Variants in MRPL50 observed in about 807,000 individuals in gnomAD.
The protein encoded by MRPL50 is large ribosomal subunit protein mL50.
In MRPL50, 10 loss-of-function variants were observed where a neutral mutation model predicts 16.2. The ratio of observed to expected loss-of-function variants is 0.62; its 90% CI spans 0.38 to 1.05. The LOEUF (loss-of-function observed/expected upper bound fraction) is 1.05. Among genes scored for constraint, MRPL50 ranks in the 50% least tolerant of loss-of-function variants. The probability of loss-of-function intolerance (pLI) is 0.01; values close to 1 mark genes in which losing one functional copy is unlikely to be tolerated. For synonymous variants in MRPL50, 68 were observed against 66.8 expected (o/e 1.02, Z -0.09); for missense variants, 213 against 187.1 (o/e 1.14, Z -0.81).
rs1432689215 is a variant in MRPL50, at chr9:101,388,845, T to C, written c.*1621A>G. On this transcript the variant is annotated 3_prime_UTR_variant, in exon 2 of 2. Coordinates refer to ENST00000374865, the MANE Select transcript of MRPL50 (RefSeq NM_019051.3). Reference sequence around the variant, plus strand: ...ATATGTATACTTTTTTTCCTTCTCATTATTCCCTAATCAGCATAACAACTA... The same window carrying C: ...ATATGTATACTTTTTTTCCTTCTCACTATTCCCTAATCAGCATAACAACTA... The C allele has an allele frequency of 6.6e-6, 1 of 152,132 alleles. No individual in the cohort carries two copies. Among genetic ancestry groups the C allele is most frequent in the Non-Finnish European group, 1.5e-5 (1 of 68,004 alleles). The allele number at this position is 152,132 out of a possible 1,614,324, so 9.4% of individuals were successfully genotyped here. A position where few individuals can be genotyped will look rare whatever the true frequency, so the allele number is the denominator to read the frequency against.
intron 1 of MRPL50, among the ~76,000 whole-genome samples, chr9:101,395,147 A>G (rs1302600273): frequency 6.6e-6 from 1 of 152,236 alleles, no homozygotes; most frequent in East Asian, 1.9e-4. Context: ...AAGAAGATAT[A>G]CAATGACCAA....
rs114910701 is a variant in MRPL50 at position 101,389,305 on chromosome 9, C to T, written c.*1161G>A. Reference sequence around the variant, plus strand: ...CCAAGTAGGTGTCCTGGAACCAATCCCCAAGGAATCAACTCTAATGTCTAA... The same window carrying T: ...CCAAGTAGGTGTCCTGGAACCAATCTCCAAGGAATCAACTCTAATGTCTAA... On this transcript the variant is annotated 3_prime_UTR_variant, in exon 2 of 2. Transcript: ENST00000374865. 3.7e-3 allele frequency: 1,347 copies of T among 364,720 alleles called. 19 individuals carry two copies. Among genetic ancestry groups the T allele is most frequent in the African/African-American group, 0.027 (1,231 of 45,368 alleles). The allele number at this position is 364,720 out of a possible 1,614,324, so 22.6% of individuals were successfully genotyped here. A position where few individuals can be genotyped will look rare whatever the true frequency, so the allele number is the denominator to read the frequency against.
rs1004075226 is a variant in MRPL50 at position 101,389,404 on chromosome 9, G to C, written c.*1062C>G. The C allele has an allele frequency of 1.0e-5, 12 of 1,202,730 alleles. No homozygotes were observed. The highest frequency in any genetic ancestry group is 1.3e-5 in the Non-Finnish European group (12 of 911,778). The allele number at this position is 1,202,730 out of a possible 1,614,324, so 74.5% of individuals were successfully genotyped here. A position where few individuals can be genotyped will look rare whatever the true frequency, so the allele number is the denominator to read the frequency against. On this transcript the variant is annotated 3_prime_UTR_variant, in exon 2 of 2. Coordinates refer to ENST00000374865, the MANE Select transcript of MRPL50 (RefSeq NM_019051.3). ...CCTGTGGATGATATTTGTAGGGCAT[G>C]TCTATACTGTTAACTAATTTTCTTC... is the stretch of plus-strand genomic sequence containing the variant.
chr9:101,398,463 TC>T (rs778728022), intron 1 of MRPL50, 37 bp downstream of exon 1: 1 of 1,577,194 alleles, frequency 6.3e-7, no homozygotes, highest in African/African-American at 1.3e-5. Context: ...TCCTTAACTT[TC>T]CTTGAACATG....
rs566711108 is a variant in MRPL50, at chr9:101,395,826, A to G, written c.92+2675T>C. ...GTTAGAAATACAGTTAAAAGGAGTA[A>G]TACAGTTAGAGAAGAGGACTACAGC... On this transcript the variant is annotated intron_variant, in intron 1 of 1. Transcript: ENST00000374865. 1.3e-3 allele frequency among the ~76,000 whole-genome samples: 191 copies of G among 151,358 alleles called. 4 individuals are homozygous for G. In the Middle Eastern group the frequency reaches 0.014, roughly 11 times the overall value.
At chr9:101,392,385 C>T (rs1830284996) in intron 1 of MRPL50, among the ~76,000 whole-genome samples, 1 of 151,394 alleles carries the variant, frequency 6.6e-6, no homozygotes, top group Non-Finnish European at 1.5e-5. Context: ...AAGTTAAAAT[C>T]AACAAACCTT....
chr9:101,390,731 T>C lies in MRPL50; in HGVS notation c.212A>G (p.Glu71Gly), dbSNP rs201813249. 161 of 1,314,890 alleles carry C rather than the reference T, an allele frequency of 1.2e-4. No homozygotes were observed. Among genetic ancestry groups the C allele is most frequent in the Non-Finnish European group, 1.6e-4 (150 of 932,410 alleles). 81.5% of individuals were successfully genotyped at this position (1,314,890 alleles called of 1,614,324 possible). ...ACCAAAAACTTCTTTAACGTAAGAT[T>C]CCAAACGACTCTGGAGATCTTCAGG... ...TPPEDLQSRL[E>G]SYVKEVFGSS... is the part of the protein sequence containing the mutation. The change falls in exon 2 of 2, where the codon GAA becomes GGA. Residue 71 changes from glutamate to glycine, a missense_variant. By Grantham distance (98) the Glu-to-Gly change is moderately conservative (BLOSUM62 -2). Coordinates refer to ENST00000374865, the MANE Select transcript of MRPL50 (RefSeq NM_019051.3).
chr9:101,396,873 C>A (rs1041962060), intron 1 of MRPL50, among the ~76,000 whole-genome samples: 2 of 151,788 alleles, frequency 1.3e-5, no homozygotes, highest in Non-Finnish European at 2.9e-5. Context: ...ACCTGGGAGG[C>A]GGAGGTTGCA....
chr9:101,396,407 A>T (rs961333662), intron 1 of MRPL50, among the ~76,000 whole-genome samples: 1 of 152,206 alleles, frequency 6.6e-6, no homozygotes, highest in Non-Finnish European at 1.5e-5. Context: ...ATGTATACAC[A>T]CACATACACA....
At chr9:101,394,732 G>T (rs1830318400) in intron 1 of MRPL50, among the ~76,000 whole-genome samples, 1 of 152,134 alleles carries the variant, frequency 6.6e-6, no homozygotes, top group African/African-American at 2.4e-5. Context: ...CAGGACATTG[G>T]TCTGGGCAAC....
chr9:101,390,048 T>C lies in MRPL50; in HGVS notation c.*418A>G, dbSNP rs1830248995. 5.2e-6 allele frequency: 5 copies of C among 953,106 alleles called. 1 individual carries two copies. In the South Asian group the frequency reaches 1.9e-4, roughly 36 times the overall value. The allele number at this position is 953,106 out of a possible 1,614,324, so 59.0% of individuals were successfully genotyped here. On this transcript the variant is annotated 3_prime_UTR_variant, in exon 2 of 2. Coordinates refer to ENST00000374865, the MANE Select transcript of MRPL50 (RefSeq NM_019051.3). ...ACACAACATACTTTTATGTTTCTTT[T>C]ATAGGTATCTATCTAATAAAAGTTT...
At position 101,398,557 on chromosome 9, in the gene MRPL50, T is replaced by C; in HGVS notation, c.36A>G (p.Arg12=). 6.2e-7 allele frequency: 1 copy of C among 1,614,070 alleles called. No individual in the cohort carries two copies. The highest frequency in any genetic ancestry group is 8.5e-7 in the Non-Finnish European group (1 of 1,180,028). The change falls in exon 1 of 2, where the codon AGA becomes AGG. Residue 12 remains arginine, a synonymous_variant. Coordinates refer to ENST00000374865, the MANE Select transcript of MRPL50 (RefSeq NM_019051.3). ...TCCCTGAGACTGTCCACATGAAGAC[T>C]CTTCTGGTAATGCCCGACACAGATC... is the stretch of plus-strand genomic sequence containing the variant. ...AARSVSGITR[R]VFMWTVSGTP...
chr9:101,390,907 C>A (rs181724877), intron 1 of MRPL50, 57 bp from the exon 2 acceptor site: 2 of 1,511,410 alleles, frequency 1.3e-6, no homozygotes, highest in Admixed American at 2.2e-5. Context: ...AAACACCAGA[C>A]CAAATCTTGC....
chr9:101,391,945 TTCATAAAACTCAAAA>T (rs1830279132), intron 1 of MRPL50, among the ~76,000 whole-genome samples: 1 of 152,080 alleles, frequency 6.6e-6, no homozygotes, highest in African/African-American at 2.4e-5. Flanking sequence ...TTTTAACAAA[TTCATAAAACTCAAAA>T]TCATATCAAG....
chr9:101,398,384 T>C (rs929411597), intron 1 of MRPL50, 117 bp downstream of exon 1: 3 of 946,274 alleles, frequency 3.2e-6, no homozygotes, highest in African/African-American at 3.3e-5. Flanking sequence ...CCGGACCTCC[T>C]TGTCCTTGCT....
In MRPL50 at chr9:101,398,580, A is replaced by G. The variant is rs373161039; in HGVS notation, c.13T>C (p.Ser5Pro). Residue 5 changes from serine (S) to proline (P), a missense_variant, in exon 1 of 2, where the codon TCT becomes CCT. By Grantham distance (74) the Ser-to-Pro change is moderately conservative. Transcript: ENST00000374865. ...ACTCTTCTGGTAATGCCCGACACAG[A>G]TCGCGCCGCCATCTTCGATGAGATC... MAAR[S>P]VSGITRRVFM... The G allele has an allele frequency of 6.2e-7, 1 of 1,613,728 alleles. No individual in the cohort carries two copies. The highest frequency in any genetic ancestry group is 8.5e-7 in the Non-Finnish European group (1 of 1,180,014).
chr9:101,393,843 G>A (rs192297634), intron 1 of MRPL50, among the ~76,000 whole-genome samples: 2 of 151,844 alleles, frequency 1.3e-5, no homozygotes, highest in African/African-American at 4.8e-5. Context: ...AATTGATGTT[G>A]TTGAAATGCT....
intron 1 of MRPL50, among the ~76,000 whole-genome samples, chr9:101,391,829 T>C (rs147821472): frequency 6.6e-6 from 1 of 152,024 alleles, no homozygotes; most frequent in Non-Finnish European, 1.5e-5. Flanking sequence ...CCAAATGGAC[T>C]TGACACTTAG....
chr9:101,398,568 T>A lies in MRPL50; in HGVS notation c.25A>T (p.Ile9Phe). MAARSVSG[I>F]TRRVFMWTVS... ...GTCCACATGAAGACTCTTCTGGTAA[T>A]GCCCGACACAGATCGCGCCGCCATC... The change falls in exon 1 of 2, where the codon ATT (isoleucine) becomes TTT (phenylalanine). Residue 9 changes from isoleucine to phenylalanine, a missense_variant. Transcript: ENST00000374865. The A allele has an allele frequency of 1.2e-6, 2 of 1,613,980 alleles. No homozygotes were observed. Among genetic ancestry groups the A allele is most frequent in the Non-Finnish European group, 1.7e-6 (2 of 1,180,034 alleles).
Sources: allele counts gnomAD v4.1 joint callset (sites outside exome capture counted in the v4.1 genomes callset), GRCh38; gene constraint gnomAD v4.1.1; transcripts MANE v1.5; gene names NCBI Gene and HGNC (gene_info 2026-07-23, HGNC 2026-07-21).